Variants in ABLIM2 observed in about 807,000 individuals in gnomAD.
ABLIM2 encodes the protein actin binding LIM protein family member 2.
ABLIM2 carries 53 observed loss-of-function variants against 97.7 expected under a neutral mutation model. The ratio of observed to expected loss-of-function variants is 0.54; its 90% CI spans 0.44 to 0.68. The LOEUF (loss-of-function observed/expected upper bound fraction) is 0.68. Ranked by LOEUF, ABLIM2 falls within the 30% of genes least tolerant of loss-of-function variation. The pLI is 0.00. For missense variants in ABLIM2, 835 were observed against 867.2 expected (o/e 0.96, Z 0.47); for synonymous variants, 361 against 345.8 (o/e 1.04, Z -0.49).
At chr4:8,029,605 AAGG>A in intron 11 of ABLIM2, 48 bp downstream of exon 11, 21 of 1,336,428 alleles carry the variant, frequency 1.6e-5, no homozygotes, top group South Asian at 1.1e-4. Flanking sequence ...AAAAAAAAAA[AAGG>A]AAAAGGACAG....
At chr4:8,105,248 C>T (rs575293728) in intron 2 of ABLIM2, among the ~76,000 whole-genome samples, 18 of 151,338 alleles carry the variant, frequency 1.2e-4, no homozygotes, top group South Asian at 2.1e-4. Flanking sequence ...CTGGAGTCTT[C>T]GAAATCCTTC....
intron 1 of ABLIM2, among the ~76,000 whole-genome samples, chr4:8,139,590 G>C (rs1043710032): frequency 1.3e-5 from 2 of 152,180 alleles, no homozygotes; most frequent in African/African-American, 4.8e-5. Context: ...TTATTAAAAA[G>C]TCAAGAAACG....
intron 8 of ABLIM2, among the ~76,000 whole-genome samples, chr4:8,048,578 C>T (rs546878751): frequency 2.6e-5 from 4 of 152,302 alleles, no homozygotes; most frequent in South Asian, 2.1e-4. Flanking sequence ...CTCGCTCTAC[C>T]GCCCTTGGCC....
Position 8,022,039 on chromosome 4 carries a change from G to A in ABLIM2, c.1268-1736C>T, listed in dbSNP as rs775190296. Reference sequence around the variant, plus strand: ...CTCACAGCAGGGAGACTGGACTCACGTGCCCGGAAAGGACACCGCGGATCC... The same window carrying A: ...CTCACAGCAGGGAGACTGGACTCACATGCCCGGAAAGGACACCGCGGATCC... On this transcript the variant is annotated intron_variant, in intron 12 of 20. Coordinates refer to ENST00000447017, the MANE Select transcript of ABLIM2 (RefSeq NM_001130083.2). The surrounding 1 kb of genome is among the most constrained non-coding windows in gnomAD (Gnocchi z 7.8). Among the ~76,000 whole-genome samples, 29 of 152,194 alleles carry A rather than the reference G, an allele frequency of 1.9e-4. No homozygotes were observed. Among genetic ancestry groups the A allele is most frequent in the Non-Finnish European group, 3.2e-4 (22 of 68,040 alleles).
Position 8,004,876 on chromosome 4 carries a change from C to T in ABLIM2, c.1618+3183G>A, listed in dbSNP as rs965811418. On this transcript the variant is annotated intron_variant, in intron 16 of 20. Coordinates refer to ENST00000447017, the MANE Select transcript of ABLIM2 (RefSeq NM_001130083.2). The surrounding 1 kb of genome is among the most constrained non-coding windows in gnomAD (Gnocchi z 5.9). ...ATAAAATATAGATTTCACTATGACGCCCTCTTTGGAGGGGTGGCAATGCCT... is the reference window on the plus strand; with the variant it reads ...ATAAAATATAGATTTCACTATGACGTCCTCTTTGGAGGGGTGGCAATGCCT... 6.6e-6 allele frequency among the ~76,000 whole-genome samples: 1 copy of T among 152,190 alleles called. No homozygotes were observed. Among genetic ancestry groups the T allele is most frequent in the Admixed American group, 6.5e-5 (1 of 15,284 alleles).
At position 8,071,465 on chromosome 4, in the gene ABLIM2, T is replaced by C. The variant is rs1577146340; in HGVS notation, c.675+6163A>G. ...CCACTGTCACCACCAAATGCACATT[T>C]CGCGGGCAGGCGGGCACTGCGGGCG... On this transcript the variant is annotated intron_variant, in intron 6 of 20. Coordinates refer to ENST00000447017, the MANE Select transcript of ABLIM2 (RefSeq NM_001130083.2). The surrounding 1 kb of genome is among the most constrained non-coding windows in gnomAD (Gnocchi z 6.2). Among the ~76,000 whole-genome samples the C allele has an allele frequency of 6.6e-6, 1 of 152,118 alleles. No homozygotes were observed. Among genetic ancestry groups the C allele is most frequent in the Non-Finnish European group, 1.5e-5 (1 of 68,018 alleles).
intron 9 of ABLIM2, chr4:8,041,455 G>C (rs1219177603): frequency 6.6e-6 from 1 of 152,104 alleles, no homozygotes; most frequent in Non-Finnish European, 1.5e-5. Context: ...GAGTCACGGA[G>C]ACCTGTGGGC....
At chr4:8,049,619 C>T (rs551872444) in intron 8 of ABLIM2, among the ~76,000 whole-genome samples, 1 of 152,358 alleles carries the variant, frequency 6.6e-6, no homozygotes, top group East Asian at 1.9e-4. Context: ...AGTCTATTCT[C>T]TCTGAAGCCT....
intron 17 of ABLIM2, among the ~76,000 whole-genome samples, chr4:7,985,906 G>A (rs367802177): frequency 1.5e-4 from 23 of 152,232 alleles, no homozygotes; most frequent in African/African-American, 5.5e-4. Flanking sequence ...AACCTGTAAA[G>A]CATGCATTGA....
rs1846089619 is a variant in ABLIM2 at position 8,122,854 on chromosome 4, A to G, written c.11-16217T>C. Among the ~76,000 whole-genome samples, 2 of 152,024 alleles carry G rather than the reference A, an allele frequency of 1.3e-5. No individual in the cohort carries two copies. ...GGCCACTGGGACCCAGGCCTCTCTG[A>G]CCCTGGCCTTTTCCACCATGCCCCA... is the stretch of plus-strand genomic sequence containing the variant. On this transcript the variant is annotated intron_variant, in intron 1 of 20. Coordinates refer to ENST00000447017, the MANE Select transcript of ABLIM2 (RefSeq NM_001130083.2). This position sits in a 1 kb window ranked among gnomAD's most constrained non-coding sequence, Gnocchi z 4.1.
In ABLIM2 at chr4:8,158,675, C is replaced by T. The variant is rs1267510697; in HGVS notation, c.10+5G>A. Reference sequence around the variant, plus strand: ...CCCGTTGGTCCCTCGGTCCCCAGCACCCACCTGCACTCATCTCAGCAGCCG... The same window carrying T: ...CCCGTTGGTCCCTCGGTCCCCAGCATCCACCTGCACTCATCTCAGCAGCCG... On this transcript the variant is annotated splice_donor_5th_base_variant and intron_variant, in intron 1 of 20. Coordinates refer to ENST00000447017, the MANE Select transcript of ABLIM2 (RefSeq NM_001130083.2). 6.7e-7 allele frequency: 1 copy of T among 1,490,116 alleles called. No individual in the cohort carries two copies. The highest frequency in any genetic ancestry group is 8.9e-7 in the Non-Finnish European group (1 of 1,124,524). 92.3% of individuals were successfully genotyped at this position (1,490,116 alleles called of 1,614,324 possible).
At chr4:8,066,851 T>G (rs746544905) in intron 6 of ABLIM2, 3 of 152,208 alleles carry the variant, frequency 2.0e-5, no homozygotes, top group Non-Finnish European at 4.4e-5. Flanking sequence ...ATATTGTGAA[T>G]GCACCAAATG....
At chr4:8,106,948 T>C (rs1026324754) in intron 1 of ABLIM2, among the ~76,000 whole-genome samples, 5 of 152,172 alleles carry the variant, frequency 3.3e-5, no homozygotes, top group Non-Finnish European at 2.9e-5. Flanking sequence ...ACTGCGGCAA[T>C]GAGGCCATCA....
At position 8,082,996 on chromosome 4, in the gene ABLIM2, C is replaced by A. The variant is rs1454245192; in HGVS notation, c.455-2194G>T. Among the ~76,000 whole-genome samples the A allele has an allele frequency of 1.3e-5, 2 of 152,170 alleles. No homozygotes were observed. Among genetic ancestry groups the A allele is most frequent in the Non-Finnish European group, 2.9e-5 (2 of 68,032 alleles). ...CCAAGAGACATTTGGCAATGTCTGG[C>A]GACCCTTTTGATTGTCATAACTTGG... On this transcript the variant is annotated intron_variant, in intron 4 of 20. Coordinates refer to ENST00000447017, the MANE Select transcript of ABLIM2 (RefSeq NM_001130083.2). This position sits in a 1 kb window ranked among gnomAD's most constrained non-coding sequence, Gnocchi z 5.6.
At chr4:8,093,098 C>T (rs4696755) in intron 3 of ABLIM2, among the ~76,000 whole-genome samples, 6,622 of 152,284 alleles carry the variant, frequency 0.043, 325 homozygotes, top group East Asian at 0.16. Flanking sequence ...ATCTACCCGG[C>T]TCAGCCTCCC....
chr4:8,009,641 G>A (rs1311157156), intron 14 of ABLIM2, among the ~76,000 whole-genome samples: 2 of 152,044 alleles, frequency 1.3e-5, no homozygotes, highest in Non-Finnish European at 2.9e-5. Context: ...AGTAATCCAC[G>A]TGCCTCAGCC....
At chr4:8,070,226 G>A (rs1287745066) in intron 6 of ABLIM2, among the ~76,000 whole-genome samples, 1 of 150,886 alleles carries the variant, frequency 6.6e-6, no homozygotes, top group Non-Finnish European at 1.5e-5. Context: ...GCGTGTGTCT[G>A]TGTTTTGTCC....
chr4:8,088,928 T>A lies in ABLIM2; in HGVS notation c.339-644A>T, dbSNP rs77308759. On this transcript the variant is annotated intron_variant, in intron 3 of 20. Coordinates refer to ENST00000447017, the MANE Select transcript of ABLIM2 (RefSeq NM_001130083.2). ...TTCAAAGTTCCACGATTTAACTACC[T>A]GGGCCTCTAAGAGGGCAGTGTCTAT... Among the ~76,000 whole-genome samples the A allele has an allele frequency of 7.2e-3, 1,096 of 152,324 alleles. 8 individuals are homozygous for A. The highest frequency in any genetic ancestry group is 0.023 in the African/African-American group (957 of 41,574).
At position 8,155,886 on chromosome 4, in the gene ABLIM2, G is replaced by A. The variant is rs1229625693; in HGVS notation, c.10+2794C>T. Reference sequence around the variant, plus strand: ...AAGACGGGGCGAGGACACAGGGAGAGGGCGGCCGTCCACAAGCCAAGGAGA... The same window carrying A: ...AAGACGGGGCGAGGACACAGGGAGAAGGCGGCCGTCCACAAGCCAAGGAGA... On this transcript the variant is annotated intron_variant, in intron 1 of 20. Transcript: ENST00000447017. The surrounding 1 kb of genome is among the most constrained non-coding windows in gnomAD (Gnocchi z 4.2). 6.6e-6 allele frequency among the ~76,000 whole-genome samples: 1 copy of A among 152,124 alleles called. No homozygotes were observed. The highest frequency in any genetic ancestry group is 2.4e-5 in the African/African-American group (1 of 41,412).
Sources: allele counts gnomAD v4.1 joint callset (sites outside exome capture counted in the v4.1 genomes callset), GRCh38; gene constraint gnomAD v4.1.1; non-coding constraint Gnocchi (gnomAD v3.1); transcripts MANE v1.5; gene names NCBI Gene and HGNC (gene_info 2026-07-23, HGNC 2026-07-21).